Variants in GRID1 observed in about 807,000 individuals in gnomAD.
GRID1 encodes glutamate receptor ionotropic, delta-1.
A neutral mutation model predicts 98.0 loss-of-function variants in GRID1; 28 were observed. The observed-to-expected ratio is 0.29, with a 90% CI of 0.21 to 0.39. The LOEUF (loss-of-function observed/expected upper bound fraction) is 0.39. GRID1 is among the 10% of genes least tolerant of loss of function. The probability of loss-of-function intolerance (pLI) is 1.00; values close to 1 mark genes in which losing one functional copy is unlikely to be tolerated. For missense variants in GRID1, 1,111 were observed against 1,340.5 expected (o/e 0.83, Z 2.67); for synonymous variants, 553 against 538.5 (o/e 1.03, Z -0.37).
At chr10:85,729,058 C>T (rs376048192) in intron 9 of GRID1, among the ~76,000 whole-genome samples, 4 of 152,156 alleles carry the variant, frequency 2.6e-5, no homozygotes, top group South Asian at 2.1e-4. Flanking sequence ...TTGCAACTAC[C>T]GAATGGTCTT....
chr10:85,672,598 G>C (rs775789602), intron 12 of GRID1, among the ~76,000 whole-genome samples: 3 of 151,902 alleles, frequency 2.0e-5, no homozygotes, highest in Non-Finnish European at 4.4e-5. Flanking sequence ...GAGCCCCCAC[G>C]CCCGGCCTCT....
chr10:86,091,857 G>A (rs111977294), intron 4 of GRID1, among the ~76,000 whole-genome samples: 7 of 152,200 alleles, frequency 4.6e-5, no homozygotes, highest in African/African-American at 1.4e-4. Flanking sequence ...GGGTAGACTC[G>A]CTGGGTAGCT....
rs1044790240 is a variant in GRID1 at position 86,064,873 on chromosome 10, C to T, written c.726+73946G>A. Among the ~76,000 whole-genome samples the T allele has an allele frequency of 2.6e-5, 4 of 152,220 alleles. No homozygotes were observed. In the East Asian group the frequency reaches 5.8e-4, roughly 22 times the overall value. On this transcript the variant is annotated intron_variant, in intron 4 of 15. Coordinates refer to ENST00000327946, the MANE Select transcript of GRID1 (RefSeq NM_017551.3). ...AAAGAAAGAAGACAAACTGAAAACTCGCTGGCCACATGAAGCCTGCAAATG... is the reference window on the plus strand; with the variant it reads ...AAAGAAAGAAGACAAACTGAAAACTTGCTGGCCACATGAAGCCTGCAAATG...
At chr10:85,634,182 A>AG (rs1441619249) in intron 13 of GRID1, among the ~76,000 whole-genome samples, 3 of 151,404 alleles carry the variant, frequency 2.0e-5, no homozygotes, top group Non-Finnish European at 4.4e-5. Context: ...AAAAAAAAAA[A>AG]AAAGTTTACC....
chr10:85,974,197 T>C (rs951163016), intron 4 of GRID1, among the ~76,000 whole-genome samples: 7 of 152,200 alleles, frequency 4.6e-5, no homozygotes, highest in Admixed American at 2.6e-4. Context: ...CCAGTATCAA[T>C]TGTGCACATA....
chr10:86,086,405 G>A (rs1291253868), intron 4 of GRID1, among the ~76,000 whole-genome samples: 1 of 152,118 alleles, frequency 6.6e-6, no homozygotes, highest in African/African-American at 2.4e-5. Context: ...CGCACCCATT[G>A]TTTTATTGGA....
chr10:86,248,947 G>A (rs1259488328), intron 2 of GRID1, among the ~76,000 whole-genome samples: 1 of 152,148 alleles, frequency 6.6e-6, no homozygotes, highest in African/African-American at 2.4e-5. Context: ...AGCCGTGCAG[G>A]ACCTAGGAAA....
intron 4 of GRID1, among the ~76,000 whole-genome samples, chr10:86,137,155 C>T (rs1201144150): frequency 6.6e-6 from 1 of 152,166 alleles, no homozygotes; most frequent in African/African-American, 2.4e-5. Context: ...TAAATCCTCA[C>T]AGGGCTAGAA....
chr10:86,123,847 C>T (rs1355650685), intron 4 of GRID1, among the ~76,000 whole-genome samples: 1 of 152,222 alleles, frequency 6.6e-6, no homozygotes, highest in Non-Finnish European at 1.5e-5. Flanking sequence ...CAGGAAGCTG[C>T]CACGGTGGCT....
chr10:86,237,310 G>A (rs1349159981), intron 2 of GRID1, among the ~76,000 whole-genome samples: 1 of 152,156 alleles, frequency 6.6e-6, no homozygotes, highest in African/African-American at 2.4e-5. Context: ...GTTGGACGGG[G>A]GGCCTGGTGG....
At chr10:86,357,908 G>A (rs75262910) in intron 2 of GRID1, among the ~76,000 whole-genome samples, 4,818 of 152,260 alleles carry the variant, frequency 0.032, 247 homozygotes, top group African/African-American at 0.11. Context: ...TGACTTCAAC[G>A]AGGGCCGTCC....
chr10:86,307,541 G>C (rs929631932), intron 2 of GRID1, among the ~76,000 whole-genome samples: 1 of 152,146 alleles, frequency 6.6e-6, no homozygotes, highest in African/African-American at 2.4e-5. Flanking sequence ...GCTGCTGTGG[G>C]GGGGAATGGG....
intron 3 of GRID1, among the ~76,000 whole-genome samples, chr10:86,154,060 C>T (rs962149288): frequency 8.5e-5 from 13 of 152,192 alleles, no homozygotes; most frequent in Admixed American, 5.2e-4. Flanking sequence ...GCCAGAGTTG[C>T]TCTTGGGCTC....
At position 85,647,374 on chromosome 10, in the gene GRID1, T is replaced by A. The variant is rs780012311; in HGVS notation, c.2021A>T (p.Gln674Leu). 6.2e-7 allele frequency: 1 copy of A among 1,614,192 alleles called. No individual in the cohort carries two copies. The change falls in exon 13 of 16, where the codon CAA (glutamine) becomes CTA (leucine). Residue 674 changes from glutamine (Q) to leucine (L), a missense_variant. Transcript: ENST00000327946. ...PIRTFQDLSKQVEMSYGTVRD... is the reference protein window; with the variant it reads ...PIRTFQDLSKLVEMSYGTVRD... Reference sequence around the variant, plus strand: ...GACAGTGCCATAAGACATTTCCACTTGTTTGGACAGGTCCTGGAAAGTCCT... The same window carrying A: ...GACAGTGCCATAAGACATTTCCACTAGTTTGGACAGGTCCTGGAAAGTCCT...
At chr10:85,956,220 C>T (rs1589312759) in intron 4 of GRID1, among the ~76,000 whole-genome samples, 1 of 152,156 alleles carries the variant, frequency 6.6e-6, no homozygotes, top group South Asian at 2.1e-4. Context: ...GCCATGGTGT[C>T]AAACGGTTTG....
At chr10:86,034,074 G>A (rs1334381727) in intron 4 of GRID1, among the ~76,000 whole-genome samples, 2 of 152,290 alleles carry the variant, frequency 1.3e-5, no homozygotes, top group East Asian at 3.9e-4. Context: ...TTACCCTTCA[G>A]AGTAATCAAA....
At position 86,187,966 on chromosome 10, in the gene GRID1, T is replaced by C. The variant is rs543848827; in HGVS notation, c.520+18398A>G. ...AAGGAAGAGACCCACCAAAAGCCCA[T>C]TGGTGGGTGATGGAAGGGCTGGGTG... On this transcript the variant is annotated intron_variant, in intron 3 of 15. Transcript: ENST00000327946. 5.3e-5 allele frequency among the ~76,000 whole-genome samples: 8 copies of C among 152,264 alleles called. No individual in the cohort carries two copies. The East Asian group carries it at 5.8e-4, about 11-fold the overall frequency.
chr10:85,709,191 G>A (rs1841556377), intron 12 of GRID1: 2 of 258,518 alleles, frequency 7.7e-6, no homozygotes, highest in Non-Finnish European at 1.6e-5. Context: ...ATGCCCTGCT[G>A]CAGCCAACAG....
chr10:86,274,469 G>T (rs889201137), intron 2 of GRID1, among the ~76,000 whole-genome samples: 1 of 152,220 alleles, frequency 6.6e-6, no homozygotes, highest in African/African-American at 2.4e-5. Flanking sequence ...TAGCTTGATG[G>T]AGATGGCATT....
Sources: gnomAD v4.1 joint callset for allele counts (sites outside exome capture counted in the v4.1 genomes callset) on GRCh38, gnomAD v4.1.1 for gene constraint, MANE v1.5 for transcripts, NCBI Gene and HGNC (gene_info 2026-07-23, HGNC 2026-07-21) for gene names.